Variants in SFT2D2 observed in about 807,000 individuals in gnomAD.
The protein encoded by SFT2D2 is SFT2 domain containing 2.
Under a neutral mutation model 27.4 loss-of-function variants are expected in SFT2D2, and 21 were observed. The ratio of observed to expected loss-of-function variants is 0.77; its 90% confidence interval spans 0.54 to 1.10. The LOEUF (loss-of-function observed/expected upper bound fraction) is 1.10. Among genes scored for constraint, SFT2D2 ranks in the 50% least tolerant of loss-of-function variants. The pLI is 0.00. For synonymous variants in SFT2D2, 72 were observed against 71.7 expected, an observed-to-expected ratio of 1.00 and a Z score of -0.02; for missense variants, 187 against 194.2, an observed-to-expected ratio of 0.96 and a Z score of 0.22.
intron 7 of SFT2D2, among the ~76,000 whole-genome samples, chr1:168,240,607 T>C (rs1262064361): frequency 1.3e-5 from 2 of 152,032 alleles, no homozygotes; most frequent in Non-Finnish European, 2.9e-5. Context: ...AAAATAAAAA[T>C]GTGAGCTTCT....
At position 168,242,548 on chromosome 1, in the gene SFT2D2, C is replaced by T. The variant is rs149604829; in HGVS notation, c.*8C>T. The T allele has an allele frequency of 1.1e-5, 18 of 1,613,978 alleles. No homozygotes were observed. Among genetic ancestry groups the T allele is most frequent in the Admixed American group, 1.7e-5 (1 of 59,992 alleles). ...GCCGTGTGTCTTGCATAATTCATGGCCAGTTTTATGAAGCTTTGGAAGGCA... is the reference window on the plus strand; with the variant it reads ...GCCGTGTGTCTTGCATAATTCATGGTCAGTTTTATGAAGCTTTGGAAGGCA... On this transcript the variant is annotated 3_prime_UTR_variant, in exon 8 of 8. Coordinates refer to ENST00000271375, the MANE Select transcript of SFT2D2 (RefSeq NM_199344.3).
chr1:168,227,999 A>T (rs919754628), intron 1 of SFT2D2, among the ~76,000 whole-genome samples: 2 of 152,242 alleles, frequency 1.3e-5, no homozygotes, highest in Non-Finnish European at 2.9e-5. Context: ...TTAATGTGTT[A>T]TGCTGAGGCA....
intron 1 of SFT2D2, among the ~76,000 whole-genome samples, chr1:168,227,288 C>T (rs1700472446): frequency 6.6e-6 from 1 of 152,174 alleles, no homozygotes; most frequent in Non-Finnish European, 1.5e-5. Flanking sequence ...GCCTCCGTTC[C>T]CCATCTGTGA....
Position 168,246,901 on chromosome 1 carries a change from T to G in SFT2D2, c.*4361T>G, listed in dbSNP as rs751644705. 2 of 593,156 alleles carry G rather than the reference T, an allele frequency of 3.4e-6. No individual in the cohort carries two copies. The highest frequency in any genetic ancestry group is 4.3e-5 in the Admixed American group (2 of 46,380). 36.7% of individuals were successfully genotyped at this position (593,156 alleles called of 1,614,324 possible). On this transcript the variant is annotated 3_prime_UTR_variant, in exon 8 of 8. Coordinates refer to ENST00000271375, the MANE Select transcript of SFT2D2 (RefSeq NM_199344.3). ...ATAATTTCAATGTCTTTTAAGTATT[T>G]CTTTTCCAGGATTTGATTTTTTATT... is the stretch of plus-strand genomic sequence containing the variant.
chr1:168,251,810 A>G lies in SFT2D2; in HGVS notation c.*9270A>G, dbSNP rs983746184. 6.6e-5 allele frequency: 10 copies of G among 152,288 alleles called. No individual in the cohort carries two copies. The highest frequency in any genetic ancestry group is 5.2e-4 in the Admixed American group (8 of 15,296). 9.4% of individuals were successfully genotyped at this position (152,288 alleles called of 1,614,324 possible). On this transcript the variant is annotated 3_prime_UTR_variant, in exon 8 of 8. Transcript: ENST00000271375. ...AGATGTTTAACTGAAGTTAAATACA[A>G]ATTTATGTCTGTGTAACTCTTGGTA...
chr1:168,250,283 G>A lies in SFT2D2; in HGVS notation c.*7743G>A, dbSNP rs1320019340. On this transcript the variant is annotated 3_prime_UTR_variant, in exon 8 of 8. Coordinates refer to ENST00000271375, the MANE Select transcript of SFT2D2 (RefSeq NM_199344.3). Reference sequence around the variant, plus strand: ...ACTTGTTTTTGTTAGACTGTGGGAGGAAGAAATCCATTTCAAATCTGCTGA... The same window carrying A: ...ACTTGTTTTTGTTAGACTGTGGGAGAAAGAAATCCATTTCAAATCTGCTGA... 3 of 152,162 alleles carry A rather than the reference G, an allele frequency of 2.0e-5. No individual in the cohort carries two copies. The highest frequency in any genetic ancestry group is 4.4e-5 in the Non-Finnish European group (3 of 68,052). 9.4% of individuals were successfully genotyped at this position (152,162 alleles called of 1,614,324 possible).
chr1:168,232,827 A>G (rs1007503823), intron 3 of SFT2D2, among the ~76,000 whole-genome samples: 1 of 152,192 alleles, frequency 6.6e-6, no homozygotes, highest in Admixed American at 6.5e-5. Context: ...GAAATTCTCA[A>G]GGAGGGGCAG....
rs765832426 is a variant in SFT2D2 at position 168,246,713 on chromosome 1, C to T, written c.*4173C>T. On this transcript the variant is annotated 3_prime_UTR_variant, in exon 8 of 8. Transcript: ENST00000271375. ...AGTCTACGATGGTATGATTCCATTT[C>T]GTCAGTCTTTGCCTGCTTTGTTTTT... 1.6e-5 allele frequency: 16 copies of T among 1,001,760 alleles called. No individual in the cohort carries two copies. Among genetic ancestry groups the T allele is most frequent in the South Asian group, 7.5e-5 (6 of 79,658 alleles). 62.1% of individuals were successfully genotyped at this position (1,001,760 alleles called of 1,614,324 possible). A position where few individuals can be genotyped will look rare whatever the true frequency, so the allele number is the denominator to read the frequency against.
chr1:168,241,262 C>T (rs1647637617), intron 7 of SFT2D2, among the ~76,000 whole-genome samples: 1 of 126,184 alleles, frequency 7.9e-6, no homozygotes, highest in African/African-American at 3.1e-5. Flanking sequence ...GGCTGGAGTG[C>T]AGTGGCCCGA....
chr1:168,241,412 C>T (rs980546618), intron 7 of SFT2D2, among the ~76,000 whole-genome samples: 2 of 151,720 alleles, frequency 1.3e-5, no homozygotes, highest in African/African-American at 2.4e-5. Context: ...AGGCTGGTCT[C>T]GAACTCCTGA....
intron 1 of SFT2D2, among the ~76,000 whole-genome samples, chr1:168,229,395 T>A (rs752017924): frequency 3.9e-5 from 6 of 152,236 alleles, no homozygotes; most frequent in Non-Finnish European, 7.3e-5. Flanking sequence ...CAAATTTCAT[T>A]CTTAACCTTA....
chr1:168,240,260 A>AT (rs1346917890), intron 7 of SFT2D2, among the ~76,000 whole-genome samples: 1 of 152,096 alleles, frequency 6.6e-6, no homozygotes. Flanking sequence ...GTCTTAACAA[A>AT]TTCCAAGACT....
rs578011633 is a variant in SFT2D2, at chr1:168,229,034, A to C, written c.64-2480A>C. 3.9e-5 allele frequency among the ~76,000 whole-genome samples: 6 copies of C among 152,338 alleles called. No individual in the cohort carries two copies. In the South Asian group the frequency reaches 1.2e-3, roughly 32 times the overall value. On this transcript the variant is annotated intron_variant, in intron 1 of 7. Transcript: ENST00000271375. ...GTAAAAGAACTTGCAACCACATGTA[A>C]TGGAAAAATACAGTGGTGAAATATG...
chr1:168,232,248 G>T (rs1175062121), intron 3 of SFT2D2, among the ~76,000 whole-genome samples: 1 of 152,116 alleles, frequency 6.6e-6, no homozygotes, highest in Non-Finnish European at 1.5e-5. Flanking sequence ...TGAGTTGATG[G>T]TTTTCAAAGG....
rs199574404 is a variant in SFT2D2, at chr1:168,231,494, T to TC, written c.64-20_64-19insC. The TC allele has an allele frequency of 2.8e-4, 438 of 1,546,744 alleles. 1 individual carries two copies. Among genetic ancestry groups the TC allele is most frequent in the Non-Finnish European group, 3.5e-4 (397 of 1,127,448 alleles). On this transcript the variant is annotated intron_variant, in intron 1 of 7. Coordinates refer to ENST00000271375, the MANE Select transcript of SFT2D2 (RefSeq NM_199344.3). ...TTAGTAAATGTGTGTGTATATGTAT[T>TC]TTTTTTTTTTCAATTTTAGGTTGTT...
In SFT2D2 at chr1:168,247,262, G is replaced by A. The variant is rs1378268040; in HGVS notation, c.*4722G>A. On this transcript the variant is annotated 3_prime_UTR_variant, in exon 8 of 8. Coordinates refer to ENST00000271375, the MANE Select transcript of SFT2D2 (RefSeq NM_199344.3). Reference sequence around the variant, plus strand: ...TTTTAAATTATACTTTAAGTTCTGGGGTACATGTGCAGAACATGCGGGTTT... The same window carrying A: ...TTTTAAATTATACTTTAAGTTCTGGAGTACATGTGCAGAACATGCGGGTTT... 16 of 261,194 alleles carry A rather than the reference G, an allele frequency of 6.1e-5. No homozygotes were observed. Among genetic ancestry groups the A allele is most frequent in the Non-Finnish European group, 1.0e-4 (14 of 136,410 alleles). 16.2% of individuals were successfully genotyped at this position (261,194 alleles called of 1,614,324 possible).
chr1:168,226,655 C>T lies in SFT2D2; in HGVS notation c.63+513C>T, dbSNP rs371247156. Among the ~76,000 whole-genome samples, 42 of 152,210 alleles carry T rather than the reference C, an allele frequency of 2.8e-4. 1 individual carries two copies. Among genetic ancestry groups the T allele is most frequent in the East Asian group, 1.9e-3 (10 of 5,160 alleles). On this transcript the variant is annotated intron_variant, in intron 1 of 7. Transcript: ENST00000271375. The stretch of plus-strand genomic sequence containing the variant: ...AGGTTGTAGGGTGTGACACTCCCAC[C>T]CGCCCCTGTACACATTGCCTTGTGA...
At chr1:168,240,968 A>T (rs555786270) in intron 7 of SFT2D2, among the ~76,000 whole-genome samples, 1 of 152,150 alleles carries the variant, frequency 6.6e-6, no homozygotes, top group African/African-American at 2.4e-5. Flanking sequence ...ATTAAACCCA[A>T]TGTGGACCCT....
rs1558178675 is a variant in SFT2D2, at chr1:168,242,632, A to G, written c.*92A>G. 4 of 1,449,064 alleles carry G rather than the reference A, an allele frequency of 2.8e-6. No homozygotes were observed. Among genetic ancestry groups the G allele is most frequent in the Admixed American group, 1.7e-5 (1 of 59,622 alleles). The allele number at this position is 1,449,064 out of a possible 1,614,324, so 89.8% of individuals were successfully genotyped here. A position where few individuals can be genotyped will look rare whatever the true frequency, so the allele number is the denominator to read the frequency against. On this transcript the variant is annotated 3_prime_UTR_variant, in exon 8 of 8. Transcript: ENST00000271375. ...TATCTTCGAAACCTCTGTCTTACAG[A>G]CATGTGCCTTTTATCTTGCAGCAAT...
Sources: allele counts gnomAD v4.1 joint callset (sites outside exome capture counted in the v4.1 genomes callset), GRCh38; gene constraint gnomAD v4.1.1; transcripts MANE v1.5; gene names NCBI Gene and HGNC (gene_info 2026-07-23, HGNC 2026-07-21).